Variants in REV3L observed in about 807,000 individuals in gnomAD.
REV3L encodes the protein DNA polymerase zeta catalytic subunit.
REV3L carries 69 observed loss-of-function variants against 299.4 expected under a neutral mutation model. The ratio of observed to expected loss-of-function variants is 0.23; its 90% CI spans 0.19 to 0.28. The LOEUF (loss-of-function observed/expected upper bound fraction) is 0.28, where lower values mean the gene tolerates loss of function less well. REV3L is among the 10% of genes least tolerant of loss of function. REV3L has a pLI of 1.00. For synonymous variants in REV3L, 1,238 were observed against 1,271.4 expected, an observed-to-expected ratio of 0.97 and a Z score of 0.56; for missense variants, 3,128 against 3,693.8, an observed-to-expected ratio of 0.85 and a Z score of 3.97.
intron 4 of REV3L, among the ~76,000 whole-genome samples, chr6:111,396,505 A>G (rs1169171743): frequency 6.6e-6 from 1 of 152,146 alleles, no homozygotes; most frequent in Non-Finnish European, 1.5e-5. Context: ...CTGGCTTCAT[A>G]GAATGAGTTA....
intron 1 of REV3L, among the ~76,000 whole-genome samples, chr6:111,418,279 T>G (rs894380053): frequency 6.6e-6 from 1 of 152,238 alleles, no homozygotes; most frequent in African/African-American, 2.4e-5. Context: ...CCTAAGGTAT[T>G]TGTTTTATAG....
At chr6:111,483,234 G>C (rs902770540), upstream of REV3L, 424 of 484,882 alleles carry the variant, frequency 8.7e-4, 9 homozygotes, top group Middle Eastern at 5.2e-4. Context: ...CAACCACTGG[G>C]GGGAGGGGAG....
intron 2 of REV3L, 124 bp from the exon 3 acceptor site, chr6:111,411,678 C>CA (rs869166809): frequency 9.3e-6 from 6 of 643,794 alleles, no homozygotes; most frequent in South Asian, 2.4e-5. Flanking sequence ...ATCCACCCCC[C>CA]AAAAAACAAC....
At chr6:111,410,452 G>C (rs1784131113) in intron 3 of REV3L, among the ~76,000 whole-genome samples, 1 of 152,178 alleles carries the variant, frequency 6.6e-6, no homozygotes, top group African/African-American at 2.4e-5. Flanking sequence ...TTGTGGACGA[G>C]AAAGGGAAAA....
At chr6:111,409,418 G>A (rs62420435) in intron 3 of REV3L, among the ~76,000 whole-genome samples, 9 of 150,430 alleles carry the variant, frequency 6.0e-5, no homozygotes, top group Non-Finnish European at 1.0e-4. Flanking sequence ...ATTAGTAGTT[G>A]ATGTCATTAC....
chr6:111,451,498 A>G (rs1789533972), intron 1 of REV3L, among the ~76,000 whole-genome samples: 1 of 152,170 alleles, frequency 6.6e-6, no homozygotes, highest in Non-Finnish European at 1.5e-5. Flanking sequence ...TCTTACCCTA[A>G]GAGCAATTAT....
At chr6:111,377,607 G>C in intron 12 of REV3L, 94 bp downstream of exon 12, 4 of 1,232,572 alleles carry the variant, frequency 3.2e-6, no homozygotes, top group Non-Finnish European at 4.5e-6. Context: ...AGAATGCTGG[G>C]ATTACAGGTG....
In REV3L at chr6:111,343,837, T is replaced by C. The variant is rs1776770896; in HGVS notation, c.7538+88A>G. The stretch of plus-strand genomic sequence containing the variant: ...AAGCCACCGCAACTGGCCTGAACAA[T>C]ACACTTTAAATGTGTGCATTTTATT... On this transcript the variant is annotated intron_variant, in intron 21 of 31. Coordinates refer to ENST00000368802, the MANE Select transcript of REV3L (RefSeq NM_001372078.1). 34 of 967,470 alleles carry C rather than the reference T, an allele frequency of 3.5e-5. 1 individual carries two copies. In the South Asian group the frequency reaches 6.3e-4, roughly 18 times the overall value. The allele number at this position is 967,470 out of a possible 1,614,324, so 59.9% of individuals were successfully genotyped here.
intron 1 of REV3L, among the ~76,000 whole-genome samples, chr6:111,476,074 A>T (rs1393729005): frequency 6.6e-6 from 1 of 152,226 alleles, no homozygotes; most frequent in African/African-American, 2.4e-5. Flanking sequence ...GAATATTTGC[A>T]CATACATGAG....
At chr6:111,327,333 T>A (rs1043672167) in intron 25 of REV3L, among the ~76,000 whole-genome samples, 1 of 152,124 alleles carries the variant, frequency 6.6e-6, no homozygotes, top group Admixed American at 6.5e-5. Flanking sequence ...GGCAGGAGAA[T>A]CACTTGAGCC....
At chr6:111,369,564 T>C (rs1042877762) in intron 13 of REV3L, among the ~76,000 whole-genome samples, 2 of 152,154 alleles carry the variant, frequency 1.3e-5, no homozygotes, top group Non-Finnish European at 2.9e-5. Flanking sequence ...TGTCCAATAA[T>C]ATATACATGA....
At chr6:111,363,662 A>T (rs1778922162) in intron 16 of REV3L, among the ~76,000 whole-genome samples, 191 bp downstream of exon 16, 1 of 152,178 alleles carries the variant, frequency 6.6e-6, no homozygotes, top group Non-Finnish European at 1.5e-5. Flanking sequence ...CAGCAACTTA[A>T]ATGCTTTAAG....
intron 1 of REV3L, among the ~76,000 whole-genome samples, chr6:111,423,146 A>G (rs569062061): frequency 7.0e-4 from 106 of 152,310 alleles, no homozygotes; most frequent in African/African-American, 2.4e-3. Flanking sequence ...CTTATAACAC[A>G]GCCACTAACT....
At chr6:111,440,122 A>G (rs1351125087) in intron 1 of REV3L, among the ~76,000 whole-genome samples, 1 of 152,004 alleles carries the variant, frequency 6.6e-6, no homozygotes, top group Non-Finnish European at 1.5e-5. Flanking sequence ...GCTGGAGTAC[A>G]ATGGCACAAT....
intron 1 of REV3L, among the ~76,000 whole-genome samples, chr6:111,444,735 C>T (rs115951057): frequency 5.3e-4 from 80 of 152,266 alleles, no homozygotes; most frequent in African/African-American, 1.9e-3. Flanking sequence ...GGGTTAGTTG[C>T]TTGGTGTAGG....
At chr6:111,429,820 G>T (rs1041780482) in intron 1 of REV3L, among the ~76,000 whole-genome samples, 2 of 152,054 alleles carry the variant, frequency 1.3e-5, no homozygotes, top group Non-Finnish European at 2.9e-5. Flanking sequence ...GGTCGGACAT[G>T]GACAAGAAGC....
At chr6:111,404,727 C>T (rs950199642) in intron 4 of REV3L, among the ~76,000 whole-genome samples, 7 of 152,166 alleles carry the variant, frequency 4.6e-5, no homozygotes, top group Non-Finnish European at 1.0e-4. Context: ...ATCACTTATT[C>T]AAATAGCCAT....
rs192998811 is a variant in REV3L at position 111,387,932 on chromosome 6, T to C, written c.948-19A>G. ...TAATGTTCTGCTTAATTAAAACATATCCTTTATAACAGACTACATAACAAA... is the reference window on the plus strand; with the variant it reads ...TAATGTTCTGCTTAATTAAAACATACCCTTTATAACAGACTACATAACAAA... On this transcript the variant is annotated intron_variant, in intron 8 of 31. Coordinates refer to ENST00000368802, the MANE Select transcript of REV3L (RefSeq NM_001372078.1). The C allele has an allele frequency of 1.6e-3, 2,600 of 1,613,104 alleles. 2 individuals are homozygous for C. The highest frequency in any genetic ancestry group is 2.0e-3 in the Non-Finnish European group (2,385 of 1,179,198).
At chr6:111,477,621 C>T (rs1348569980) in intron 1 of REV3L, among the ~76,000 whole-genome samples, 1 of 152,214 alleles carries the variant, frequency 6.6e-6, no homozygotes, top group Non-Finnish European at 1.5e-5. Flanking sequence ...AAGTCAAGAA[C>T]ATGGCTCAAG....
Sources: gnomAD v4.1 joint callset for allele counts (sites outside exome capture counted in the v4.1 genomes callset) on GRCh38, gnomAD v4.1.1 for gene constraint, MANE v1.5 for transcripts, NCBI Gene and HGNC (gene_info 2026-07-23, HGNC 2026-07-21) for gene names.